KAT6B: variants seen among roughly 807,000 people sequenced by gnomAD.
The protein encoded by KAT6B is lysine acetyltransferase 6B.
In KAT6B, 10 loss-of-function variants were observed where a neutral mutation model predicts 187.5. That is an observed-to-expected ratio of 0.05 (90% CI 0.03 to 0.09). The LOEUF is 0.09. Ranked by LOEUF, KAT6B falls within the 10% of genes least tolerant of loss-of-function variation. The pLI, the probability that KAT6B is intolerant of heterozygous loss-of-function variation, is 1.00. For missense variants in KAT6B, 1,952 were observed against 2,558.9 expected (o/e 0.76, Z 5.12); for synonymous variants, 861 against 926.8 (o/e 0.93, Z 1.29).
intron 3 of KAT6B, among the ~76,000 whole-genome samples, chr10:74,858,754 A>G (rs1370587688): frequency 5.9e-5 from 9 of 152,198 alleles, no homozygotes; most frequent in African/African-American, 2.2e-4. Context: ...CCAGAGTTCG[A>G]GACCAGCCTG....
At chr10:74,960,827 C>A (rs953756266) in intron 4 of KAT6B, among the ~76,000 whole-genome samples, 1 of 152,192 alleles carries the variant, frequency 6.6e-6, no homozygotes, top group Non-Finnish European at 1.5e-5. Context: ...GGTAAGTGTA[C>A]TACAAATGTC....
chr10:74,921,833 C>T (rs997874983), intron 3 of KAT6B, among the ~76,000 whole-genome samples: 2 of 152,226 alleles, frequency 1.3e-5, no homozygotes, highest in Non-Finnish European at 2.9e-5. Context: ...TTTGTGACAG[C>T]TCAGTTGCTT....
chr10:74,839,375 C>T (rs566233188), intron 2 of KAT6B, among the ~76,000 whole-genome samples: 28 of 151,666 alleles, frequency 1.8e-4, no homozygotes, highest in African/African-American at 3.9e-4. Context: ...GGATTACAGG[C>T]GCATGCCACC....
chr10:74,980,004 C>G (rs997572207), intron 10 of KAT6B, among the ~76,000 whole-genome samples: 1 of 152,048 alleles, frequency 6.6e-6, no homozygotes, highest in African/African-American at 2.4e-5. Context: ...ACTAAAAATA[C>G]AAAAATTAGC....
At chr10:74,937,106 G>A (rs1183742323) in intron 3 of KAT6B, among the ~76,000 whole-genome samples, 1 of 152,194 alleles carries the variant, frequency 6.6e-6, no homozygotes, top group East Asian at 1.9e-4. Context: ...TGTGGAATAA[G>A]GCGATCATGC....
intron 3 of KAT6B, among the ~76,000 whole-genome samples, chr10:74,910,868 G>A (rs897581646): frequency 3.3e-5 from 5 of 152,080 alleles, no homozygotes; most frequent in Admixed American, 6.6e-5. Flanking sequence ...TTTCTTTCCC[G>A]ATCTTGGGCT....
intron 3 of KAT6B, among the ~76,000 whole-genome samples, chr10:74,875,837 CAG>C (rs1434818709): frequency 6.6e-6 from 1 of 152,144 alleles, no homozygotes; most frequent in Non-Finnish European, 1.5e-5. Flanking sequence ...CTTTCAAGGT[CAG>C]GGGAGATAAT....
chr10:75,029,987 C>A lies in KAT6B; in HGVS notation c.5163C>A (p.Val1721=). 6.2e-7 allele frequency: 1 copy of A among 1,614,206 alleles called. No individual in the cohort carries two copies. The highest frequency in any genetic ancestry group is 1.1e-5 in the South Asian group (1 of 91,074). Residue 1721 remains valine (V), a synonymous_variant, in exon 18 of 18, where the codon GTC becomes GTA. Coordinates refer to ENST00000287239, the MANE Select transcript of KAT6B (RefSeq NM_012330.4). This position sits in a 1 kb window ranked among gnomAD's most constrained non-coding sequence, Gnocchi z 6.2. ...SSSLTQSSCA[V]TQQMSNISGS... ...GTCTGACACAGAGCAGCTGTGCTGT[C>A]ACCCAGCAGATGTCCAACATCAGCG... is the stretch of plus-strand genomic sequence containing the variant.
chr10:74,874,210 G>A (rs1844224382), intron 3 of KAT6B, among the ~76,000 whole-genome samples: 1 of 152,164 alleles, frequency 6.6e-6, no homozygotes. Flanking sequence ...CATTGTAGAA[G>A]GAACTTATGT....
chr10:74,872,153 C>T (rs1844037241), intron 3 of KAT6B, among the ~76,000 whole-genome samples: 1 of 152,186 alleles, frequency 6.6e-6, no homozygotes, highest in South Asian at 2.1e-4. Flanking sequence ...GTTCCCTTCT[C>T]ACACTTGCTC....
intron 3 of KAT6B, among the ~76,000 whole-genome samples, chr10:74,926,464 A>G (rs964054167): frequency 2.0e-5 from 3 of 152,212 alleles, no homozygotes; most frequent in Non-Finnish European, 2.9e-5. Context: ...AAAAAACAAC[A>G]ACGACAACAA....
At chr10:74,922,794 G>A (rs972523210) in intron 3 of KAT6B, among the ~76,000 whole-genome samples, 7 of 152,168 alleles carry the variant, frequency 4.6e-5, no homozygotes, top group South Asian at 4.1e-4. Flanking sequence ...CCAGAGTTTG[G>A]TATATGTAAC....
At chr10:74,904,587 C>A (rs1048734613) in intron 3 of KAT6B, among the ~76,000 whole-genome samples, 2 of 152,162 alleles carry the variant, frequency 1.3e-5, no homozygotes, top group Non-Finnish European at 2.9e-5. Context: ...TAAAATTCTG[C>A]TCCCACACTT....
chr10:74,912,385 A>ATAGAT (rs1554825648), intron 3 of KAT6B, among the ~76,000 whole-genome samples: 2 of 151,680 alleles, frequency 1.3e-5, no homozygotes, highest in Non-Finnish European at 2.9e-5. Context: ...GGATAGATAG[A>ATAGAT]TAGATAGATA....
chr10:74,911,858 C>T (rs1847225021), intron 3 of KAT6B, among the ~76,000 whole-genome samples: 1 of 151,840 alleles, frequency 6.6e-6, no homozygotes, highest in Non-Finnish European at 1.5e-5. Flanking sequence ...GAAACAGGGT[C>T]TTGCTCTGTT....
chr10:75,020,461 G>A (rs983275896), intron 13 of KAT6B, 121 bp from the exon 14 acceptor site: 5 of 736,152 alleles, frequency 6.8e-6, no homozygotes, highest in African/African-American at 1.7e-5. Flanking sequence ...TTCCTAAAGC[G>A]AATGCACTTC....
chr10:75,021,348 G>A (rs547527825), intron 15 of KAT6B, 63 bp downstream of exon 15: 2 of 1,554,608 alleles, frequency 1.3e-6, no homozygotes, highest in Admixed American at 3.3e-5. Flanking sequence ...CTTAAGCTAA[G>A]AAAGTCATTA....
chr10:74,997,893 C>T (rs1466572924), intron 13 of KAT6B, among the ~76,000 whole-genome samples: 2 of 152,080 alleles, frequency 1.3e-5, no homozygotes, highest in Non-Finnish European at 2.9e-5. Context: ...AAGCAGATCA[C>T]CTGAGGTCAG....
intron 3 of KAT6B, among the ~76,000 whole-genome samples, chr10:74,958,194 A>G (rs1342029474): frequency 6.6e-6 from 1 of 152,214 alleles, no homozygotes; most frequent in Non-Finnish European, 1.5e-5. Flanking sequence ...GAATCATTAT[A>G]ACCATTGATT....
Sources: allele counts gnomAD v4.1 joint callset (sites outside exome capture counted in the v4.1 genomes callset), GRCh38; gene constraint gnomAD v4.1.1; non-coding constraint Gnocchi (gnomAD v3.1); transcripts MANE v1.5; gene names NCBI Gene and HGNC (gene_info 2026-07-23, HGNC 2026-07-21).